Variants in FBXL17 observed in about 807,000 individuals in gnomAD.
FBXL17 encodes F-box/LRR-repeat protein 17.
Under a neutral mutation model 66.2 loss-of-function variants are expected in FBXL17, and 22 were observed. That is an observed-to-expected ratio of 0.33 (90% CI 0.24 to 0.47). The LOEUF (loss-of-function observed/expected upper bound fraction) is 0.47, where lower values mean the gene tolerates loss of function less well. Among genes scored for constraint, FBXL17 ranks in the 20% least tolerant of loss-of-function variants. The pLI is 1.00. For synonymous variants in FBXL17, 474 were observed against 400.5 expected, an observed-to-expected ratio of 1.18 and a Z score of -2.19; for missense variants, 878 against 948.2, an observed-to-expected ratio of 0.93 and a Z score of 0.97.
chr5:108,105,615 G>T (rs1377782587), intron 6 of FBXL17, among the ~76,000 whole-genome samples: 3 of 152,196 alleles, frequency 2.0e-5, no homozygotes, highest in African/African-American at 4.8e-5. Context: ...GAGCCATATA[G>T]TCATCTCTTA....
At chr5:108,115,599 C>A in intron 6 of FBXL17, among the ~76,000 whole-genome samples, 1 of 150,080 alleles carries the variant, frequency 6.7e-6, no homozygotes, top group Admixed American at 6.7e-5. Flanking sequence ...AATGCAGACA[C>A]AGTATTTTCA....
intron 3 of FBXL17, among the ~76,000 whole-genome samples, chr5:108,354,955 G>GA (rs1430736467): frequency 2.0e-5 from 3 of 151,912 alleles, no homozygotes; most frequent in African/African-American, 4.8e-5. Flanking sequence ...GAGAAATAAA[G>GA]ACTTTGTCTA....
At chr5:108,226,922 T>C (rs2150079978) in intron 4 of FBXL17, among the ~76,000 whole-genome samples, 1 of 152,258 alleles carries the variant, frequency 6.6e-6, no homozygotes, top group South Asian at 2.1e-4. Flanking sequence ...TTTTTGTACT[T>C]CTCAAGCCTT....
chr5:108,146,296 C>G (rs1460639896), intron 6 of FBXL17, among the ~76,000 whole-genome samples: 2 of 151,582 alleles, frequency 1.3e-5, no homozygotes, highest in Non-Finnish European at 2.9e-5. Context: ...TAATTTTCAC[C>G]ACTTTGGTAC....
At chr5:108,216,149 CT>C (rs532882054) in intron 5 of FBXL17, among the ~76,000 whole-genome samples, 1 of 151,898 alleles carries the variant, frequency 6.6e-6, no homozygotes, top group Non-Finnish European at 1.5e-5. Flanking sequence ...CACTGTTTTT[CT>C]TTTTTTGAGA....
At chr5:108,221,565 G>GT (rs1243209601) in intron 5 of FBXL17, among the ~76,000 whole-genome samples, 1 of 152,088 alleles carries the variant, frequency 6.6e-6, no homozygotes, top group Non-Finnish European at 1.5e-5. Context: ...GTGACATCAT[G>GT]TATTAAAGAG....
intron 4 of FBXL17, among the ~76,000 whole-genome samples, chr5:108,272,464 G>C (rs147328951): frequency 0.033 from 4,946 of 150,394 alleles, 102 homozygotes; most frequent in Non-Finnish European, 0.044. Context: ...AGTGATTCTT[G>C]TGCCTCAGCC....
At chr5:108,311,047 G>T (rs1759092682) in intron 4 of FBXL17, among the ~76,000 whole-genome samples, 2 of 152,162 alleles carry the variant, frequency 1.3e-5, no homozygotes, top group Admixed American at 1.3e-4. Context: ...AAAATTTGGG[G>T]CTGAAGGAGA....
chr5:107,942,684 T>G (rs1751148209), intron 7 of FBXL17, among the ~76,000 whole-genome samples: 2 of 152,020 alleles, frequency 1.3e-5, no homozygotes. Context: ...TGGGATTTTG[T>G]CCCATTGACA....
At chr5:108,302,412 T>C (rs1758633449) in intron 4 of FBXL17, among the ~76,000 whole-genome samples, 1 of 151,828 alleles carries the variant, frequency 6.6e-6, no homozygotes, top group South Asian at 2.1e-4. Context: ...GTTATATCTT[T>C]ACCTAGAAGC....
intron 7 of FBXL17, among the ~76,000 whole-genome samples, chr5:107,954,755 G>A (rs1161694815): frequency 6.6e-6 from 1 of 152,090 alleles, no homozygotes; most frequent in Non-Finnish European, 1.5e-5. Context: ...GACTATAAAT[G>A]AAGGACAATT....
chr5:108,065,616 A>G (rs1388269413), intron 6 of FBXL17, among the ~76,000 whole-genome samples: 2 of 152,194 alleles, frequency 1.3e-5, no homozygotes, highest in African/African-American at 4.8e-5. Context: ...TTCAAGGTGT[A>G]TGATTGATTA....
chr5:107,906,312 A>C lies in FBXL17; in HGVS notation c.1823-25133T>G, dbSNP rs1275997780. Reference sequence around the variant, plus strand: ...CTTTAAGCTTCATATACTAATGCTTAATTGATAAAAACTATTTTAAATATA... The same window carrying C: ...CTTTAAGCTTCATATACTAATGCTTCATTGATAAAAACTATTTTAAATATA... On this transcript the variant is annotated intron_variant, in intron 7 of 8. Coordinates refer to ENST00000542267, the MANE Select transcript of FBXL17 (RefSeq NM_001163315.3). Among the ~76,000 whole-genome samples, 11 of 152,186 alleles carry C rather than the reference A, an allele frequency of 7.2e-5. No individual in the cohort carries two copies. The South Asian group carries it at 2.3e-3, about 32-fold the overall frequency.
At chr5:107,878,936 T>C in intron 8 of FBXL17, 7 of 985,484 alleles carry the variant, frequency 7.1e-6, no homozygotes, top group Non-Finnish European at 8.4e-6. Context: ...AGTGGCTCTC[T>C]GGTTAGAGAA....
intron 6 of FBXL17, among the ~76,000 whole-genome samples, chr5:108,129,043 CA>C (rs2149974143): frequency 6.6e-6 from 1 of 152,180 alleles, no homozygotes; most frequent in East Asian, 1.9e-4. Flanking sequence ...ATTACATACT[CA>C]GAGAATTGTA....
At chr5:108,219,624 T>C (rs751120083) in intron 5 of FBXL17, among the ~76,000 whole-genome samples, 2 of 151,908 alleles carry the variant, frequency 1.3e-5, no homozygotes, top group Non-Finnish European at 2.9e-5. Context: ...GAGGTGGAGG[T>C]TGCAGTGAGC....
intron 4 of FBXL17, among the ~76,000 whole-genome samples, chr5:108,305,308 A>C (rs1758785137): frequency 6.6e-6 from 1 of 151,990 alleles, no homozygotes. Flanking sequence ...ATCAACACAC[A>C]CTGGGGCCCA....
chr5:107,939,235 A>T (rs182413462), intron 7 of FBXL17, among the ~76,000 whole-genome samples: 2 of 152,240 alleles, frequency 1.3e-5, no homozygotes, highest in East Asian at 3.9e-4. Context: ...TGTAGGTAAA[A>T]ATGTCGTAAT....
chr5:108,054,389 A>T (rs963289511), intron 6 of FBXL17, among the ~76,000 whole-genome samples: 1 of 152,138 alleles, frequency 6.6e-6, no homozygotes, highest in African/African-American at 2.4e-5. Context: ...GGGTCACCTC[A>T]TTACTGCTGG....
Sources: allele counts gnomAD v4.1 joint callset (sites outside exome capture counted in the v4.1 genomes callset), GRCh38; gene constraint gnomAD v4.1.1; transcripts MANE v1.5; gene names NCBI Gene and HGNC (gene_info 2026-07-23, HGNC 2026-07-21).